Variants in NCAPD2 observed in about 807,000 individuals in gnomAD.
The protein encoded by NCAPD2 is non-SMC condensin I complex subunit D2, also known as condensin complex subunit 1.
NCAPD2 carries 100 observed loss-of-function variants against 164.5 expected under a neutral mutation model. That is an observed-to-expected ratio of 0.61 (90% CI 0.52 to 0.72). The LOEUF (loss-of-function observed/expected upper bound fraction) is 0.72. Among genes scored for constraint, NCAPD2 ranks in the 30% least tolerant of loss-of-function variants. The probability of loss-of-function intolerance (pLI) is 0.00; values close to 1 mark genes in which losing one functional copy is unlikely to be tolerated. For missense variants in NCAPD2, 1,560 were observed against 1,749.2 expected, an observed-to-expected ratio of 0.89 and a Z score of 1.93; for synonymous variants, 585 against 642.6, an observed-to-expected ratio of 0.91 and a Z score of 1.36.
chr12:6,505,779 C>T (rs531106534), intron 2 of NCAPD2, among the ~76,000 whole-genome samples: 3 of 152,200 alleles, frequency 2.0e-5, no homozygotes, highest in South Asian at 2.1e-4. Context: ...GTGGGAGGAT[C>T]GCTGGAACCT....
chr12:6,508,692 G>A (rs1433689954), intron 2 of NCAPD2, among the ~76,000 whole-genome samples: 1 of 152,158 alleles, frequency 6.6e-6, no homozygotes, highest in East Asian at 1.9e-4. Context: ...GGACATTTAC[G>A]TAGTCTGAAA....
intron 22 of NCAPD2, among the ~76,000 whole-genome samples, chr12:6,527,272 G>A (rs1946326017): frequency 6.6e-6 from 1 of 152,240 alleles, no homozygotes. Flanking sequence ...GGTAAATGCA[G>A]AGTGTGGAGT....
Position 6,509,757 on chromosome 12 carries a change from GC to G in NCAPD2, c.169del (p.Leu57CysfsTer17), listed in dbSNP as rs758587322. On this transcript the variant is annotated frameshift_variant, in exon 3 of 32. Coordinates refer to ENST00000315579, the MANE Select transcript of NCAPD2 (RefSeq NM_014865.4). LOFTEE classifies it high-confidence loss of function. ...AFRAQGPLAM[L>X]QHFDTIYSIL... ...TTCGAGCTCAGGGGCCCCTGGCTAT[GC>G]TGCAGCACTTTGATACTATCTACAG... is the stretch of plus-strand genomic sequence containing the variant. The G allele has an allele frequency of 6.2e-7, 1 of 1,614,094 alleles. No homozygotes were observed. Among genetic ancestry groups the G allele is most frequent in the African/African-American group, 1.3e-5 (1 of 75,006 alleles).
chr12:6,507,168 T>A lies in NCAPD2; in HGVS notation c.128-2549T>A, dbSNP rs142064304. Reference sequence around the variant, plus strand: ...ATTTATTTATTTATTTTTGAGATGGTGCCTCACCATGTTGCCCAGGCGGAT... The same window carrying A: ...ATTTATTTATTTATTTTTGAGATGGAGCCTCACCATGTTGCCCAGGCGGAT... On this transcript the variant is annotated intron_variant, in intron 2 of 31. Transcript: ENST00000315579. Among the ~76,000 whole-genome samples, 145 of 152,274 alleles carry A rather than the reference T, an allele frequency of 9.5e-4. 1 individual carries two copies. Among genetic ancestry groups the A allele is most frequent in the African/African-American group, 3.3e-3 (137 of 41,544 alleles).
rs1441499679 is a variant in NCAPD2, at chr12:6,499,950, A to G, written c.127+4725A>G. Among the ~76,000 whole-genome samples the G allele has an allele frequency of 3.2e-4, 48 of 152,208 alleles. 1 individual carries two copies. The highest frequency in any genetic ancestry group is 5.9e-5 in the Non-Finnish European group (4 of 68,006). ...AGCCTGGCCAACATGGTGAAACCCC[A>G]TCTCTACCAAAATTACAAAAAAGTT... On this transcript the variant is annotated intron_variant, in intron 2 of 31. Coordinates refer to ENST00000315579, the MANE Select transcript of NCAPD2 (RefSeq NM_014865.4).
rs779503173 is a variant in NCAPD2, at chr12:6,514,797, A to G, written c.864A>G (p.Gln288=). Reference sequence around the variant, plus strand: ...GAGAGATTGGACAAAAGTGTCCCCAAGAGCTGAGTCGAGACCCTTCAGGGA... The same window carrying G: ...GAGAGATTGGACAAAAGTGTCCCCAGGAGCTGAGTCGAGACCCTTCAGGGA... ...IVREIGQKCP[Q]ELSRDPSGTK... The change falls in exon 9 of 32, where the codon CAA becomes CAG. Residue 288 remains glutamine (Q), a synonymous_variant. Coordinates refer to ENST00000315579, the MANE Select transcript of NCAPD2 (RefSeq NM_014865.4). 1.9e-6 allele frequency: 3 copies of G among 1,614,242 alleles called. No homozygotes were observed. Among genetic ancestry groups the G allele is most frequent in the Non-Finnish European group, 2.5e-6 (3 of 1,180,038 alleles).
In NCAPD2 at chr12:6,514,412, G is replaced by A. The variant is rs1221769968; in HGVS notation, c.715+20G>A. 1.2e-6 allele frequency: 2 copies of A among 1,614,150 alleles called. No individual in the cohort carries two copies. The highest frequency in any genetic ancestry group is 1.7e-6 in the Non-Finnish European group (2 of 1,180,034). ...TGCTCAGTAAGTTACCAGTCGCTTTGCCCCGCCTTTTTTGTATTGCCCATA... is the reference window on the plus strand; with the variant it reads ...TGCTCAGTAAGTTACCAGTCGCTTTACCCCGCCTTTTTTGTATTGCCCATA... On this transcript the variant is annotated intron_variant, in intron 7 of 31. Coordinates refer to ENST00000315579, the MANE Select transcript of NCAPD2 (RefSeq NM_014865.4).
Position 6,511,092 on chromosome 12 carries a change from A to G in NCAPD2, c.445-18A>G. The G allele has an allele frequency of 6.2e-7, 1 of 1,612,956 alleles. No individual in the cohort carries two copies. The highest frequency in any genetic ancestry group is 1.1e-5 in the South Asian group (1 of 90,930). ...TTTTCCCTTATTTTTTCCTCAATGT[A>G]TACATGATCCTTTTTAGGGTAAGAA... On this transcript the variant is annotated intron_variant, in intron 5 of 31. Transcript: ENST00000315579.
intron 13 of NCAPD2, among the ~76,000 whole-genome samples, chr12:6,518,504 G>GTTGTTTTTTTTTTT (rs1946225745): frequency 2.2e-5 from 1 of 44,774 alleles, no homozygotes; most frequent in Admixed American, 3.3e-4. Context: ...CCGTCAACAA[G>GTTGTTTTTTTTTTT]TTTTTTTTTT....
At chr12:6,511,341 T>C in intron 6 of NCAPD2, 89 bp downstream of exon 6, 1 of 1,469,370 alleles carries the variant, frequency 6.8e-7, no homozygotes, top group Non-Finnish European at 9.2e-7. Context: ...TTTGTTTTTT[T>C]TTTGTGGGGG....
chr12:6,526,381 CAG>C lies in NCAPD2; in HGVS notation c.2566+11_2566+12del. On this transcript the variant is annotated intron_variant, in intron 20 of 31. Coordinates refer to ENST00000315579, the MANE Select transcript of NCAPD2 (RefSeq NM_014865.4). Reference sequence around the variant, plus strand: ...GAGACAGTCACAAAAGGTGAGCTCTCAGGGAAGGCCTTGGGCAGAATTGGGCC... The same window carrying C: ...GAGACAGTCACAAAAGGTGAGCTCTCGGAAGGCCTTGGGCAGAATTGGGCC... 6.2e-7 allele frequency: 1 copy of C among 1,614,166 alleles called. No individual in the cohort carries two copies. Among genetic ancestry groups the C allele is most frequent in the Non-Finnish European group, 8.5e-7 (1 of 1,180,022 alleles).
intron 22 of NCAPD2, 81 bp downstream of exon 22, chr12:6,527,144 T>G: frequency 2.9e-6 from 4 of 1,398,370 alleles, no homozygotes; most frequent in Non-Finnish European, 3.8e-6. Flanking sequence ...CGGCAATCTC[T>G]GCTCCTCTGC....
chr12:6,500,462 A>G (rs977038914), intron 2 of NCAPD2, among the ~76,000 whole-genome samples: 2 of 152,176 alleles, frequency 1.3e-5, no homozygotes, highest in Non-Finnish European at 2.9e-5. Context: ...GGCAAATGCC[A>G]ATAGAGTTGG....
Position 6,530,029 on chromosome 12 carries a change from G to A in NCAPD2, c.3837+71G>A, listed in dbSNP as rs540175896. The A allele has an allele frequency of 4.0e-6, 6 of 1,515,550 alleles. No homozygotes were observed. In the East Asian group the frequency reaches 9.1e-5, roughly 23 times the overall value. The allele number at this position is 1,515,550 out of a possible 1,614,324, so 93.9% of individuals were successfully genotyped here. ...CTAAGACATCTGCCGGCCCTGGGCA[G>A]CATACGGCTCTTGCAGTCACCTTCC... is the stretch of plus-strand genomic sequence containing the variant. On this transcript the variant is annotated intron_variant, in intron 29 of 31. Transcript: ENST00000315579.
In NCAPD2 at chr12:6,516,814, CT is replaced by C. The variant is rs1238014655; in HGVS notation, c.988-12del. The C allele has an allele frequency of 4.3e-6, 7 of 1,613,558 alleles. No homozygotes were observed. The highest frequency in any genetic ancestry group is 4.0e-5 in the African/African-American group (3 of 74,874). ...TGACTAAAGGTTTGACCCCTCTATG[CT>C]TCTCTCTCTTAGAATTACATGATGC... On this transcript the variant is annotated splice_polypyrimidine_tract_variant and intron_variant, in intron 9 of 31. Coordinates refer to ENST00000315579, the MANE Select transcript of NCAPD2 (RefSeq NM_014865.4).
chr12:6,516,781 C>A (rs771473140), intron 9 of NCAPD2, 47 bp from the exon 10 acceptor site: 1 of 1,590,646 alleles, frequency 6.3e-7, no homozygotes, highest in Admixed American at 1.7e-5. Context: ...CACAAGCAAG[C>A]TTCGCCTTGA....
At chr12:6,514,988 T>G in intron 9 of NCAPD2, 68 bp downstream of exon 9, 3 of 1,544,636 alleles carry the variant, frequency 1.9e-6, no homozygotes, top group Middle Eastern at 1.8e-4. Context: ...AAAGGCTGTT[T>G]CTTAACAGAA....
chr12:6,514,406 C>G lies in NCAPD2; in HGVS notation c.715+14C>G. The G allele has an allele frequency of 6.2e-7, 1 of 1,614,166 alleles. No homozygotes were observed. The highest frequency in any genetic ancestry group is 8.5e-7 in the Non-Finnish European group (1 of 1,180,046). On this transcript the variant is annotated intron_variant, in intron 7 of 31. Transcript: ENST00000315579. ...ACCATATGCTCAGTAAGTTACCAGTCGCTTTGCCCCGCCTTTTTTGTATTG... is the reference window on the plus strand; with the variant it reads ...ACCATATGCTCAGTAAGTTACCAGTGGCTTTGCCCCGCCTTTTTTGTATTG...
In NCAPD2 at chr12:6,527,042, G is replaced by A. The variant is rs757416664; in HGVS notation, c.2886G>A (p.Lys962=). 9 of 1,612,682 alleles carry A rather than the reference G, an allele frequency of 5.6e-6. 1 individual carries two copies. The highest frequency in any genetic ancestry group is 4.4e-5 in the South Asian group (4 of 90,970). The change falls in exon 22 of 32, where the codon AAG becomes AAA. Residue 962 remains lysine, a synonymous_variant. Coordinates refer to ENST00000315579, the MANE Select transcript of NCAPD2 (RefSeq NM_014865.4). ...TTCTCCGGGAAGAACAGGAGCACAA[G>A]ACCAAAGATCCCAAGGAGAAGGTGT... is the stretch of plus-strand genomic sequence containing the variant. ...RRVLREEQEH[K]TKDPKEKNTS... is the part of the protein sequence containing the mutation.
Sources: allele counts gnomAD v4.1 joint callset (sites outside exome capture counted in the v4.1 genomes callset), GRCh38; gene constraint gnomAD v4.1.1; transcripts MANE v1.5; gene names NCBI Gene and HGNC (gene_info 2026-07-23, HGNC 2026-07-21).